SGSM1: variants seen among roughly 807,000 people sequenced by gnomAD.
SGSM1 encodes RUN and TBC1 domain containing 2.
In SGSM1, 73 loss-of-function variants were observed where a neutral mutation model predicts 133.8. The ratio of observed to expected loss-of-function variants is 0.55; its 90% CI spans 0.45 to 0.66. SGSM1 has a LOEUF of 0.66. SGSM1 is among the 30% of genes least tolerant of loss of function. The pLI, the probability that SGSM1 is intolerant of heterozygous loss-of-function variation, is 0.00. For synonymous variants in SGSM1, 563 were observed against 573.0 expected (o/e 0.98, Z 0.25); for missense variants, 1,213 against 1,448.1 (o/e 0.84, Z 2.64).
intron 20 of SGSM1, among the ~76,000 whole-genome samples, chr22:24,903,483 CAGTCA>C (rs1933240758): frequency 6.6e-6 from 1 of 152,100 alleles, no homozygotes; most frequent in Non-Finnish European, 1.5e-5. Flanking sequence ...GCTAGGATTA[CAGTCA>C]TGAGCCATCG....
At chr22:24,907,911 C>CA (rs796505229) in intron 21 of SGSM1, among the ~76,000 whole-genome samples, 3,179 of 56,494 alleles carry the variant, frequency 0.056, 203 homozygotes, top group Non-Finnish European at 0.077. Flanking sequence ...GACGCCATCT[C>CA]AAAAAAAAAA....
intron 16 of SGSM1, among the ~76,000 whole-genome samples, chr22:24,891,675 C>T (rs1180433836): frequency 9.2e-5 from 14 of 152,102 alleles, no homozygotes; most frequent in Admixed American, 6.6e-5. Flanking sequence ...TGAGGTCCTT[C>T]CCAGTTTCAT....
chr22:24,834,006 C>T (rs1929279239), intron 2 of SGSM1, among the ~76,000 whole-genome samples: 1 of 151,510 alleles, frequency 6.6e-6, no homozygotes, highest in African/African-American at 2.4e-5. Flanking sequence ...AAGCTCATGG[C>T]TTCCTTTTGT....
At chr22:24,905,962 AC>A (rs1569173837) in intron 21 of SGSM1, among the ~76,000 whole-genome samples, 1 of 152,132 alleles carries the variant, frequency 6.6e-6, no homozygotes, top group Non-Finnish European at 1.5e-5. Context: ...CAAAGACATA[AC>A]AAGAAAACTA....
intron 17 of SGSM1, among the ~76,000 whole-genome samples, chr22:24,894,972 G>A (rs1258641600): frequency 6.6e-6 from 1 of 152,192 alleles, no homozygotes; most frequent in Non-Finnish European, 1.5e-5. Context: ...AGTTAAAGGT[G>A]GGGTGCTCTA....
intron 2 of SGSM1, chr22:24,813,640 C>G (rs1927885198): frequency 6.7e-6 from 1 of 150,220 alleles, no homozygotes; most frequent in Admixed American, 6.7e-5. Flanking sequence ...ATGAATAATG[C>G]AGCCATATCC....
At chr22:24,819,157 AAC>A (rs1928320152) in intron 2 of SGSM1, among the ~76,000 whole-genome samples, 1 of 151,806 alleles carries the variant, frequency 6.6e-6, no homozygotes, top group Non-Finnish European at 1.5e-5. Flanking sequence ...AAAAAAAAAA[AAC>A]AATAATCACA....
chr22:24,823,509 G>A (rs1394014497), intron 2 of SGSM1, among the ~76,000 whole-genome samples: 2 of 152,138 alleles, frequency 1.3e-5, no homozygotes, highest in African/African-American at 4.8e-5. Context: ...GCTGAGGCAG[G>A]AGAATGACGG....
At chr22:24,876,745 G>T in intron 13 of SGSM1, 30 bp downstream of exon 13, 1 of 1,613,598 alleles carries the variant, frequency 6.2e-7, no homozygotes, top group Non-Finnish European at 8.5e-7. Flanking sequence ...CAGATGGAGA[G>T]AGCTGAAGGA....
At position 24,868,393 on chromosome 22, in the gene SGSM1, G is replaced by A. The variant is rs754601421; in HGVS notation, c.1012G>A (p.Val338Met). 1.5e-5 allele frequency: 24 copies of A among 1,611,700 alleles called. No individual in the cohort carries two copies. Among genetic ancestry groups the A allele is most frequent in the Non-Finnish European group, 2.0e-5 (24 of 1,178,376 alleles). ...CHQQVDSGGT[V>M]VLVSQDGIQR... Reference sequence around the variant, plus strand: ...GGCGGCAGTTGACAGCGGCGGGACAGTGGTATTGGTCAGCCAGGACGGGAT... The same window carrying A: ...GGCGGCAGTTGACAGCGGCGGGACAATGGTATTGGTCAGCCAGGACGGGAT... Residue 338 changes from valine to methionine, a missense_variant, in exon 11 of 25, where the codon GTG (valine) becomes ATG (methionine). By Grantham distance (21) the Val-to-Met change is conservative. Coordinates refer to ENST00000400358, the MANE Select transcript of SGSM1 (RefSeq NM_001098497.3).
Position 24,823,803 on chromosome 22 carries a change from G to A in SGSM1, c.63+17319G>A, listed in dbSNP as rs944264970. Among the ~76,000 whole-genome samples, 21 of 151,190 alleles carry A rather than the reference G, an allele frequency of 1.4e-4. 2 individuals are homozygous for A. Among genetic ancestry groups the A allele is most frequent in the Admixed American group, 1.2e-3 (18 of 15,168 alleles). Reference sequence around the variant, plus strand: ...TGCGTACCTATAGTCCCAGCTACTCGGGAGGCTGAGGCGGGAGGATTGTTT... The same window carrying A: ...TGCGTACCTATAGTCCCAGCTACTCAGGAGGCTGAGGCGGGAGGATTGTTT... On this transcript the variant is annotated intron_variant, in intron 2 of 24. Transcript: ENST00000400358.
chr22:24,862,596 T>A (rs1931216372), intron 9 of SGSM1, among the ~76,000 whole-genome samples: 3 of 152,190 alleles, frequency 2.0e-5, no homozygotes, highest in Admixed American at 2.0e-4. Flanking sequence ...AGTCAGGACC[T>A]GGATTCATTC....
At chr22:24,807,858 C>T (rs1927495790) in intron 2 of SGSM1, among the ~76,000 whole-genome samples, 1 of 147,826 alleles carries the variant, frequency 6.8e-6, no homozygotes, top group Admixed American at 6.8e-5. Flanking sequence ...TGCTGCTCCT[C>T]CGTCCTCCGG....
At chr22:24,915,040 A>C (rs139771) in intron 22 of SGSM1, among the ~76,000 whole-genome samples, 1 of 151,894 alleles carries the variant, frequency 6.6e-6, no homozygotes, top group Non-Finnish European at 1.5e-5. Flanking sequence ...CATCATGGCT[A>C]ACACGGTGAA....
At chr22:24,825,457 TCTCA>T (rs2147801252) in intron 2 of SGSM1, among the ~76,000 whole-genome samples, 1 of 152,132 alleles carries the variant, frequency 6.6e-6, no homozygotes, top group East Asian at 1.9e-4. Flanking sequence ...TGAGACAGAG[TCTCA>T]CTCTGTCACC....
intron 21 of SGSM1, among the ~76,000 whole-genome samples, chr22:24,912,349 T>A (rs1040156124): frequency 1.3e-5 from 2 of 152,196 alleles, no homozygotes; most frequent in Non-Finnish European, 2.9e-5. Flanking sequence ...TTTCCTGTCT[T>A]CTCAGTTTTT....
rs1933172347 is a variant in SGSM1, at chr22:24,901,831, A to T, written c.2611-2A>T. The T allele has an allele frequency of 6.2e-7, 1 of 1,612,828 alleles. No homozygotes were observed. Among genetic ancestry groups the T allele is most frequent in the African/African-American group, 1.3e-5 (1 of 74,906 alleles). On this transcript the variant is annotated splice_acceptor_variant, in intron 19 of 24. Coordinates refer to ENST00000400358, the MANE Select transcript of SGSM1 (RefSeq NM_001098497.3). LOFTEE classifies it high-confidence loss of function. The stretch of plus-strand genomic sequence containing the variant: ...CCTACCCCCTGCCCCGATGGCCTAT[A>T]GCCAGAGCTGCTGGATCTGTACACG...
intron 2 of SGSM1, among the ~76,000 whole-genome samples, chr22:24,821,892 C>G (rs930408645): frequency 6.6e-6 from 1 of 152,018 alleles, no homozygotes; most frequent in Non-Finnish European, 1.5e-5. Context: ...CAGAGTGGTA[C>G]CTTTGTTAGG....
At chr22:24,907,837 G>C (rs919554790) in intron 21 of SGSM1, among the ~76,000 whole-genome samples, 1 of 149,418 alleles carries the variant, frequency 6.7e-6, no homozygotes, top group East Asian at 2.0e-4. Context: ...GCATGAACCC[G>C]GGAGGCGGAG....
Sources: allele counts gnomAD v4.1 joint callset (sites outside exome capture counted in the v4.1 genomes callset), GRCh38; gene constraint gnomAD v4.1.1; transcripts MANE v1.5; gene names NCBI Gene and HGNC (gene_info 2026-07-23, HGNC 2026-07-21).